The following KDSR variants were observed in gnomAD, a reference collection of about 807,000 sequenced individuals.
The protein encoded by KDSR is 3-ketodihydrosphingosine reductase, also known as 3-dehydrosphinganine reductase.
KDSR carries 23 observed loss-of-function variants against 41.3 expected under a neutral mutation model. The ratio of observed to expected loss-of-function variants is 0.56; its 90% CI spans 0.40 to 0.79. KDSR has a LOEUF of 0.79. KDSR is among the 30% of genes least tolerant of loss of function. KDSR has a pLI of 0.00. For missense variants in KDSR, 351 were observed against 416.8 expected, an observed-to-expected ratio of 0.84 and a Z score of 1.37; for synonymous variants, 138 against 151.7, an observed-to-expected ratio of 0.91 and a Z score of 0.66.
Position 63,327,819 on chromosome 18 carries a change from G to T in KDSR, c.*3963C>A, listed in dbSNP as rs1227963215. 5.2e-6 allele frequency: 1 copy of T among 192,254 alleles called. No individual in the cohort carries two copies. Among genetic ancestry groups the T allele is most frequent in the East Asian group, 8.3e-5 (1 of 12,116 alleles). 11.9% of individuals were successfully genotyped at this position (192,254 alleles called of 1,614,324 possible). On this transcript the variant is annotated 3_prime_UTR_variant, in exon 10 of 10. Transcript: ENST00000645214. ...ATTAGATTACAATTCTGCCACAAAA[G>T]CTTCTAAAGTAGCAAACACAACTTT...
chr18:63,367,045 G>A lies in KDSR; in HGVS notation c.74C>T (p.Pro25Leu). 7.5e-7 allele frequency: 1 copy of A among 1,326,890 alleles called. No homozygotes were observed. Among genetic ancestry groups the A allele is most frequent in the South Asian group, 2.9e-5 (1 of 33,966 alleles). 82.2% of individuals were successfully genotyped at this position (1,326,890 alleles called of 1,614,324 possible). ...CGCCCCGGGCAGGGCGAGGGGCTTG[G>A]GGCTGATGAGCGGAGACACCATGTA... ...LLYMVSPLIS[P>L]KPLALPGAHV... Residue 25 changes from proline to leucine, a missense_variant, in exon 1 of 10, where the codon CCC becomes CTC. Transcript: ENST00000645214.
intron 6 of KDSR, chr18:63,345,837 G>A: frequency 6.6e-6 from 1 of 151,840 alleles, no homozygotes; most frequent in Non-Finnish European, 1.5e-5. Context: ...AACTACTTGG[G>A]AGGCTGAGGC....
At position 63,366,897 on chromosome 18, in the gene KDSR, C is replaced by T. The variant is rs1314722132; in HGVS notation, c.108+114G>A. 8.2e-6 allele frequency: 4 copies of T among 487,246 alleles called. No individual in the cohort carries two copies. The East Asian group carries it at 1.4e-4, about 17-fold the overall frequency. The allele number at this position is 487,246 out of a possible 1,614,324, so 30.2% of individuals were successfully genotyped here. On this transcript the variant is annotated intron_variant, in intron 1 of 9. Transcript: ENST00000645214. The stretch of plus-strand genomic sequence containing the variant: ...GCGGCAGGTGACCTTCCCCATTTGG[C>T]CATGCCTTCCTGGGGACCGCGGCCT...
chr18:63,331,292 GACAGAGAGACAGAGAGAC>G lies in KDSR; in HGVS notation c.*472_*489del, dbSNP rs1568273657. 2.6e-4 allele frequency: 26 copies of G among 98,310 alleles called. No individual in the cohort carries two copies. The highest frequency in any genetic ancestry group is 7.8e-4 in the African/African-American group (26 of 33,464). The allele number at this position is 98,310 out of a possible 1,614,324, so 6.1% of individuals were successfully genotyped here. A position where few individuals can be genotyped will look rare whatever the true frequency, so the allele number is the denominator to read the frequency against. The stretch of plus-strand genomic sequence containing the variant: ...AGAGAGAGAGAGAGAGAGACAGAGA[GACAGAGAGACAGAGAGAC>G]AGAGAGACAGAGAGACAGAGAGAGA... On this transcript the variant is annotated 3_prime_UTR_variant, in exon 10 of 10. Transcript: ENST00000645214.
chr18:63,354,705 A>G (rs1914750646), intron 5 of KDSR, among the ~76,000 whole-genome samples: 2 of 152,174 alleles, frequency 1.3e-5, no homozygotes, highest in South Asian at 4.1e-4. Flanking sequence ...TCTAGTGTTC[A>G]TTTCTTTGGT....
intron 5 of KDSR, among the ~76,000 whole-genome samples, chr18:63,353,352 C>G (rs567265339): frequency 6.6e-6 from 1 of 152,180 alleles, no homozygotes; most frequent in East Asian, 1.9e-4. Flanking sequence ...CAGCAATAAC[C>G]TTTTGGAAGC....
intron 1 of KDSR, 41 bp downstream of exon 1, chr18:63,366,970 C>T: frequency 8.8e-7 from 1 of 1,135,670 alleles, no homozygotes; most frequent in Non-Finnish European, 1.2e-6. Flanking sequence ...AAAGGCCGCG[C>T]GGGCCGGTAA....
Position 63,351,037 on chromosome 18 carries a change from G to C in KDSR, c.460C>G (p.Arg154Gly). Residue 154 changes from arginine (R) to glycine (G), a missense_variant, in exon 6 of 10, where the codon CGG (arginine) becomes GGG (glycine). Coordinates refer to ENST00000645214, the MANE Select transcript of KDSR (RefSeq NM_002035.4). ...INYLGSVYPS[R>G]AVITTMKERR... ...TCCTTCATGGTGGTGATCACGGCCC[G>C]GCTGGGGTACACGCTGCCCAGGTAA... The C allele has an allele frequency of 6.2e-7, 1 of 1,614,086 alleles. No individual in the cohort carries two copies. The highest frequency in any genetic ancestry group is 2.2e-5 in the East Asian group (1 of 44,886).
At position 63,351,140 on chromosome 18, in the gene KDSR, T is replaced by G. The variant is rs1415980894; in HGVS notation, c.418-61A>C. 5.1e-6 allele frequency: 7 copies of G among 1,373,198 alleles called. No individual in the cohort carries two copies. The East Asian group carries it at 1.7e-4, about 34-fold the overall frequency. 85.1% of individuals were successfully genotyped at this position (1,373,198 alleles called of 1,614,324 possible). A position where few individuals can be genotyped will look rare whatever the true frequency, so the allele number is the denominator to read the frequency against. The stretch of plus-strand genomic sequence containing the variant: ...CCTCAAGGCTGTGCACATGGAGAAT[T>G]TAGTCTGCTTTCTGGATTTCAGTTC... On this transcript the variant is annotated intron_variant, in intron 5 of 9. Transcript: ENST00000645214.
Position 63,338,873 on chromosome 18 carries a change from G to A in KDSR, c.704C>T (p.Thr235Ile). Residue 235 changes from threonine (T) to isoleucine (I), a missense_variant, in exon 8 of 10, where the codon ACT becomes ATT. Transcript: ENST00000645214. ...AEENRTKPLE[T>I]RLISETTSVC... ...AGATGTGGTCTCTGAAATAAGTCGA[G>A]TCTCCAAAGGCTAAAAGTGGAAAAA... 2 of 1,602,114 alleles carry A rather than the reference G, an allele frequency of 1.2e-6. No homozygotes were observed. The highest frequency in any genetic ancestry group is 1.7e-6 in the Non-Finnish European group (2 of 1,175,458).
In KDSR at chr18:63,330,809, CT is replaced by C. The variant is rs774806589; in HGVS notation, c.*972del. 0.093 allele frequency: 17,753 copies of C among 189,886 alleles called. No homozygotes were observed. Among genetic ancestry groups the C allele is most frequent in the East Asian group, 0.2 (2,428 of 12,028 alleles). 11.8% of individuals were successfully genotyped at this position (189,886 alleles called of 1,614,324 possible). The stretch of plus-strand genomic sequence containing the variant: ...AAAATTTTAGCTGGTCTTTTTTTTC[CT>C]TTTTTTTTTTTTTTACAAAAATATT... On this transcript the variant is annotated 3_prime_UTR_variant, in exon 10 of 10. Coordinates refer to ENST00000645214, the MANE Select transcript of KDSR (RefSeq NM_002035.4).
At chr18:63,356,694 G>C (rs1364157134) in intron 3 of KDSR, among the ~76,000 whole-genome samples, 1 of 152,208 alleles carries the variant, frequency 6.6e-6, no homozygotes, top group Non-Finnish European at 1.5e-5. Context: ...GTGTCATGAT[G>C]AGGAAGCCCA....
Position 63,338,888 on chromosome 18 carries a change from A to C in KDSR, c.694-5T>G. On this transcript the variant is annotated splice_region_variant and splice_polypyrimidine_tract_variant and intron_variant, in intron 7 of 9. Coordinates refer to ENST00000645214, the MANE Select transcript of KDSR (RefSeq NM_002035.4). The stretch of plus-strand genomic sequence containing the variant: ...AATAAGTCGAGTCTCCAAAGGCTAA[A>C]AGTGGAAAAACATGTACATAACAAT... 1 of 1,584,140 alleles carries C rather than the reference A, an allele frequency of 6.3e-7. No homozygotes were observed. Among genetic ancestry groups the C allele is most frequent in the Non-Finnish European group, 8.6e-7 (1 of 1,161,864 alleles).
At chr18:63,335,916 G>A (rs894421320) in intron 8 of KDSR, 8 of 152,368 alleles carry the variant, frequency 5.3e-5, no homozygotes, top group African/African-American at 1.7e-4. Context: ...TGCGCCCAAC[G>A]CGCTTCCGCA....
At position 63,367,158 on chromosome 18, in the gene KDSR, G is replaced by T. The variant is rs779673998; in HGVS notation, c.-40C>A. 19 of 1,130,726 alleles carry T rather than the reference G, an allele frequency of 1.7e-5. No homozygotes were observed. In the African/African-American group the frequency reaches 2.7e-4, roughly 16 times the overall value. 70.0% of individuals were successfully genotyped at this position (1,130,726 alleles called of 1,614,324 possible). The stretch of plus-strand genomic sequence containing the variant: ...AGGGGCCCGGAGCGGCCGGGCGGGG[G>T]CCGCCGGGCAAGGCGCGCAGGGCTG... On this transcript the variant is annotated 5_prime_UTR_variant, in exon 1 of 10. Coordinates refer to ENST00000645214, the MANE Select transcript of KDSR (RefSeq NM_002035.4).
rs751150418 is a variant in KDSR, at chr18:63,355,522, G to T, written c.297C>A (p.Asn99Lys). 1 of 1,609,514 alleles carries T rather than the reference G, an allele frequency of 6.2e-7. No homozygotes were observed. The highest frequency in any genetic ancestry group is 1.1e-5 in the South Asian group (1 of 89,570). ...CTTGTTTTATGACATTCTCTACTTG[G>T]TTATAGTCTTGAGATACATCAACTG... ...CISVDVSQDYNQVENVIKQAQ... is the reference protein window; with the variant it reads ...CISVDVSQDYKQVENVIKQAQ... The change falls in exon 4 of 10, where the codon AAC becomes AAA. Residue 99 changes from asparagine to lysine, a missense_variant. Transcript: ENST00000645214.
intron 2 of KDSR, among the ~76,000 whole-genome samples, chr18:63,360,046 C>A (rs1470826747): frequency 6.6e-6 from 1 of 152,146 alleles, no homozygotes; most frequent in Non-Finnish European, 1.5e-5. Context: ...AACAGATAAA[C>A]CTCAAAATCC....
In KDSR at chr18:63,359,778, C is replaced by T. The variant is rs1568283412; in HGVS notation, c.213G>A (p.Gln71=). 4 of 1,608,322 alleles carry T rather than the reference C, an allele frequency of 2.5e-6. No homozygotes were observed. The highest frequency in any genetic ancestry group is 3.4e-6 in the Non-Finnish European group (4 of 1,175,648). Residue 71 remains glutamine, a synonymous_variant, in exon 3 of 10, where the codon CAG becomes CAA. Coordinates refer to ENST00000645214, the MANE Select transcript of KDSR (RefSeq NM_002035.4). ...LVARNEDKLL[Q]AKKEIEMHSI... ...AGTGCATTTCAATTTCTTTCTTTGC[C>T]TGCAGCAGCTTATCCTGAAAGCAAT...
intron 3 of KDSR, among the ~76,000 whole-genome samples, chr18:63,356,957 C>T (rs1030691595): frequency 2.0e-5 from 3 of 151,954 alleles, no homozygotes; most frequent in Admixed American, 6.6e-5. Flanking sequence ...ACTGCAATTG[C>T]AAAAATAAAA....
Sources: allele counts gnomAD v4.1 joint callset (sites outside exome capture counted in the v4.1 genomes callset), GRCh38; gene constraint gnomAD v4.1.1; transcripts MANE v1.5; gene names NCBI Gene and HGNC (gene_info 2026-07-23, HGNC 2026-07-21).